The following KDM6A variants were observed in gnomAD, a reference collection of about 807,000 sequenced individuals.
KDM6A encodes lysine-specific demethylase 6A.
In KDM6A, 11 loss-of-function variants were observed where a neutral mutation model predicts 117.6. The observed-to-expected ratio is 0.09, with a 90% CI of 0.06 to 0.15. KDM6A has a LOEUF of 0.15. Among genes scored for constraint, KDM6A ranks in the 10% least tolerant of loss-of-function variants. KDM6A has a pLI of 1.00. For missense variants in KDM6A, 799 were observed against 1,077.3 expected (o/e 0.74, Z 3.62); for synonymous variants, 384 against 396.1 (o/e 0.97, Z 0.36).
At chrX:44,946,852 T>C (rs762568723) in intron 2 of KDM6A, among the ~76,000 whole-genome samples, 1 of 111,906 alleles carries the variant, frequency 8.9e-6, no homozygotes, top group Non-Finnish European at 1.9e-5. Context: ...GTTTCTGAGC[T>C]CTTTATTGCT....
At chrX:44,959,739 A>G (rs145805427) in intron 2 of KDM6A, among the ~76,000 whole-genome samples, 7,832 of 111,547 alleles carry the variant, frequency 0.07, 270 homozygotes, top group Non-Finnish European at 0.11. Context: ...TCTGCCAGAT[A>G]AGAATTATAT....
intron 2 of KDM6A, among the ~76,000 whole-genome samples, chrX:44,954,097 A>G (rs996463907): frequency 1.3e-4 from 14 of 110,134 alleles, no homozygotes. Context: ...GATTATTTTA[A>G]TTGTAACTCT....
chrX:44,899,970 C>T (rs1262968698), intron 2 of KDM6A, among the ~76,000 whole-genome samples: 2 of 111,810 alleles, frequency 1.8e-5, no homozygotes, highest in African/African-American at 6.5e-5. Context: ...ACTGTTATTT[C>T]GGGGATATGG....
At chrX:45,063,262 G>C (rs2044381648) in intron 16 of KDM6A, among the ~76,000 whole-genome samples, 160 bp from the exon 17 acceptor site, 1 of 110,314 alleles carries the variant, frequency 9.1e-6, no homozygotes, top group Non-Finnish European at 1.9e-5. Flanking sequence ...TTTAAAGTAT[G>C]TATTTCTCAA....
intron 3 of KDM6A, among the ~76,000 whole-genome samples, chrX:44,973,285 G>C (rs762434174): frequency 2.1e-4 from 23 of 111,293 alleles, no homozygotes; most frequent in South Asian, 7.6e-4. Flanking sequence ...CTGCTGTCCT[G>C]GGATCACCCT....
chrX:44,936,400 C>A (rs2036971318), intron 2 of KDM6A, among the ~76,000 whole-genome samples: 1 of 111,431 alleles, frequency 9.0e-6, no homozygotes, highest in Non-Finnish European at 1.9e-5. Context: ...GAACCAATAT[C>A]TTTTTTAACA....
chrX:45,037,696 AT>A lies in KDM6A; in HGVS notation c.654+11del. On this transcript the variant is annotated splice_region_variant and intron_variant, in intron 8 of 29. Transcript: ENST00000611820. Reference sequence around the variant, plus strand: ...CCACTTATATGAAACCCAGGTAAGTATTTTAACTTATTCTATTTAAAACAAA... The same window carrying A: ...CCACTTATATGAAACCCAGGTAAGTATTTAACTTATTCTATTTAAAACAAA... 8.5e-7 allele frequency: 1 copy of A among 1,175,531 alleles called. No homozygotes were observed. The highest frequency in any genetic ancestry group is 1.2e-6 in the Non-Finnish European group (1 of 863,914).
Position 45,064,390 on chromosome X carries a change from A to C in KDM6A, c.2079+573A>C, listed in dbSNP as rs768042222. 5.4e-5 allele frequency among the ~76,000 whole-genome samples: 6 copies of C among 111,576 alleles called. No individual in the cohort carries two copies. The East Asian group carries it at 1.7e-3, about 32-fold the overall frequency. On this transcript the variant is annotated intron_variant, in intron 17 of 29. Transcript: ENST00000611820. ...TATGAAGAGGGGAGGGTGAAATAAG[A>C]GGCTGAGGGAGAGGCCAAATTTATC...
intron 2 of KDM6A, among the ~76,000 whole-genome samples, chrX:44,890,178 A>T (rs1227757838): frequency 8.9e-6 from 1 of 112,556 alleles, no homozygotes; most frequent in Non-Finnish European, 1.9e-5. Flanking sequence ...CATACAGTAT[A>T]TATCCTTTTG....
At position 44,974,724 on chromosome X, in the gene KDM6A, A is replaced by G; in HGVS notation, c.384+9A>G. 1.7e-6 allele frequency: 2 copies of G among 1,153,685 alleles called. No homozygotes were observed. The highest frequency in any genetic ancestry group is 2.4e-6 in the Non-Finnish European group (2 of 842,387). On this transcript the variant is annotated intron_variant, in intron 4 of 29. Transcript: ENST00000611820. ...AGTCTGACTACTGGAAGGTTAGTGT[A>G]CATTTGCATGCTGATTTCATGTTTG...
chrX:45,049,206 G>A (rs1055681904), intron 8 of KDM6A, among the ~76,000 whole-genome samples: 1 of 111,983 alleles, frequency 8.9e-6, no homozygotes, highest in Non-Finnish European at 1.9e-5. Context: ...AGTCTTAAAG[G>A]TAGAAGCTGT....
chrX:45,045,415 G>A (rs776029282), intron 8 of KDM6A, among the ~76,000 whole-genome samples: 42 of 108,503 alleles, frequency 3.9e-4, no homozygotes, highest in African/African-American at 1.4e-3. Flanking sequence ...GTGAAACCCC[G>A]CTTTTACTAA....
intron 3 of KDM6A, among the ~76,000 whole-genome samples, chrX:44,971,655 G>A (rs908104512): frequency 4.5e-5 from 5 of 111,218 alleles, no homozygotes; most frequent in African/African-American, 1.6e-4. Flanking sequence ...GACAGAGGAG[G>A]CAGCCCTGAG....
At chrX:44,956,587 A>G (rs1286704027) in intron 2 of KDM6A, among the ~76,000 whole-genome samples, 1 of 110,404 alleles carries the variant, frequency 9.1e-6, no homozygotes, top group Non-Finnish European at 1.9e-5. Context: ...TAATTTTTGT[A>G]GAGACGAGGC....
At chrX:45,041,511 C>CG (rs2043204290) in intron 8 of KDM6A, among the ~76,000 whole-genome samples, 1 of 106,066 alleles carries the variant, frequency 9.4e-6, no homozygotes, top group Non-Finnish European at 1.9e-5. Context: ...GGCTGCCGGA[C>CG]GGAGGGGCTC....
chrX:44,957,222 A>G (rs972680170), intron 2 of KDM6A, among the ~76,000 whole-genome samples: 1 of 111,855 alleles, frequency 8.9e-6, no homozygotes, highest in African/African-American at 3.2e-5. Flanking sequence ...CTCATTTAAA[A>G]CCATTGGGGT....
chrX:45,056,080 G>A (rs993530388), intron 10 of KDM6A, among the ~76,000 whole-genome samples: 5 of 110,365 alleles, frequency 4.5e-5, no homozygotes, highest in Admixed American at 1.9e-4. Context: ...ATCTTTTTGG[G>A]TAAATTTTTC....
chrX:45,111,086 C>T (rs915725365), intron 29 of KDM6A, among the ~76,000 whole-genome samples: 1 of 111,545 alleles, frequency 9.0e-6, no homozygotes, highest in African/African-American at 3.3e-5. Context: ...AAGAAGCCCC[C>T]TTTTTTTAAG....
intron 8 of KDM6A, among the ~76,000 whole-genome samples, chrX:45,047,453 G>C (rs1359272849): frequency 1.0e-5 from 1 of 98,836 alleles, no homozygotes; most frequent in African/African-American, 3.7e-5. Flanking sequence ...CTAGTGACTT[G>C]TTTTCAAATG....
Sources: allele counts gnomAD v4.1 joint callset (sites outside exome capture counted in the v4.1 genomes callset), GRCh38; gene constraint gnomAD v4.1.1; transcripts MANE v1.5; gene names NCBI Gene and HGNC (gene_info 2026-07-23, HGNC 2026-07-21).